The following ZNF420 variants were observed in gnomAD, a reference collection of about 807,000 sequenced individuals.
The protein encoded by ZNF420 is ATM and p53-associated KZNF protein.
In ZNF420, 31 loss-of-function variants were observed where a neutral mutation model predicts 44.7. The ratio of observed to expected loss-of-function variants is 0.69; its 90% CI spans 0.52 to 0.94. The LOEUF (loss-of-function observed/expected upper bound fraction) is 0.94. Ranked by LOEUF, ZNF420 falls within the 40% of genes least tolerant of loss-of-function variation. The pLI, the probability that ZNF420 is intolerant of heterozygous loss-of-function variation, is 0.00. For synonymous variants in ZNF420, 245 were observed against 267.4 expected (o/e 0.92, Z 0.82); for missense variants, 681 against 827.9 (o/e 0.82, Z 2.18).
intron 4 of ZNF420, among the ~76,000 whole-genome samples, chr19:37,108,561 T>C (rs1970220112): frequency 6.6e-6 from 1 of 152,200 alleles, no homozygotes; most frequent in Admixed American, 6.5e-5. Context: ...TAAAATGGCT[T>C]ATGATCTCCT....
At chr19:37,087,208 C>A (rs1968838280) in intron 2 of ZNF420, among the ~76,000 whole-genome samples, 1 of 150,882 alleles carries the variant, frequency 6.6e-6, no homozygotes, top group African/African-American at 2.4e-5. Flanking sequence ...TTACTTGAGC[C>A]TAGGAGTTCA....
intron 2 of ZNF420, among the ~76,000 whole-genome samples, chr19:37,081,056 CAAAA>C (rs35087056): frequency 2.5e-5 from 2 of 79,306 alleles, no homozygotes. Context: ...GACTCTGTCT[CAAAA>C]AAAAAAAAAA....
intron 1 of ZNF420, among the ~76,000 whole-genome samples, chr19:37,023,030 T>C (rs2074661079): frequency 6.6e-6 from 1 of 151,904 alleles, no homozygotes; most frequent in South Asian, 2.1e-4. Flanking sequence ...CTCAGCTACC[T>C]AGGAGACTAA....
intron 1 of ZNF420, among the ~76,000 whole-genome samples, chr19:37,043,131 C>T (rs932462091): frequency 3.3e-5 from 5 of 152,184 alleles, no homozygotes; most frequent in Middle Eastern, 3.4e-3. Context: ...TAATAGTAAT[C>T]GAAAAGTTTG....
At chr19:37,038,489 A>T (rs1783598394) in intron 1 of ZNF420, among the ~76,000 whole-genome samples, 1 of 152,226 alleles carries the variant, frequency 6.6e-6, no homozygotes, top group Admixed American at 6.5e-5. Context: ...TTTTTATCAG[A>T]ATTGGAATCA....
chr19:37,042,277 G>A (rs1360454964), intron 1 of ZNF420, among the ~76,000 whole-genome samples: 1 of 152,344 alleles, frequency 6.6e-6, no homozygotes, highest in African/African-American at 2.4e-5. Flanking sequence ...GATTACAGGC[G>A]TGAGCCACTG....
intron 1 of ZNF420, among the ~76,000 whole-genome samples, chr19:37,056,643 G>A (rs1268785842): frequency 6.6e-6 from 1 of 152,170 alleles, no homozygotes; most frequent in Non-Finnish European, 1.5e-5. Flanking sequence ...GAGGCCCATG[G>A]GATCTTTCTG....
At position 37,117,235 on chromosome 19, in the gene ZNF420, G is replaced by A. The variant is rs549554207; in HGVS notation, c.137-9893G>A. ...GGGCAGACTGACACCTCACATGGCC[G>A]GGTACTCCTCTGAGACAAAACTTCC... On this transcript the variant is annotated intron_variant, in intron 4 of 4. Coordinates refer to ENST00000337995, the MANE Select transcript of ZNF420 (RefSeq NM_144689.5). Among the ~76,000 whole-genome samples, 1,314 of 152,232 alleles carry A rather than the reference G, an allele frequency of 8.6e-3. 9 individuals carry two copies. The highest frequency in any genetic ancestry group is 0.015 in the Non-Finnish European group (1,016 of 68,014).
chr19:37,034,540 GT>G (rs1164781955), intron 1 of ZNF420, among the ~76,000 whole-genome samples: 2 of 152,136 alleles, frequency 1.3e-5, no homozygotes, highest in African/African-American at 4.8e-5. Flanking sequence ...CACTTTTGGT[GT>G]CAGACAGCTT....
intron 1 of ZNF420, among the ~76,000 whole-genome samples, chr19:37,014,015 A>G (rs2074591361): frequency 6.6e-6 from 1 of 152,204 alleles, no homozygotes; most frequent in Non-Finnish European, 1.5e-5. Context: ...AAAGCCAAGG[A>G]AAAGCAAATC....
chr19:37,010,152 A>C (rs575182534), intron 1 of ZNF420, among the ~76,000 whole-genome samples: 4 of 152,182 alleles, frequency 2.6e-5, no homozygotes, highest in Non-Finnish European at 5.9e-5. Flanking sequence ...GGCTTGGCAA[A>C]GCAGGAGCCC....
chr19:37,064,887 T>C (rs1239796395), intron 1 of ZNF420, among the ~76,000 whole-genome samples: 4 of 151,926 alleles, frequency 2.6e-5, no homozygotes, highest in Non-Finnish European at 5.9e-5. Context: ...AGTCAAAGGA[T>C]TGAGAAAAAG....
At position 37,072,048 on chromosome 19, in the gene ZNF420, A is replaced by T. The variant is rs1472402789; in HGVS notation, c.-124-8297A>T. On this transcript the variant is annotated intron_variant, in intron 1 of 4. Transcript: ENST00000587029. ...TGGAGCCTCTAAGGCAAATACTCGAATAACATTGTAAAATATGATTTCTGT... is the reference window on the plus strand; with the variant it reads ...TGGAGCCTCTAAGGCAAATACTCGATTAACATTGTAAAATATGATTTCTGT... Among the ~76,000 whole-genome samples the T allele has an allele frequency of 5.9e-5, 9 of 152,194 alleles. No individual in the cohort carries two copies. The East Asian group carries it at 1.5e-3, about 26-fold the overall frequency.
intron 1 of ZNF420, among the ~76,000 whole-genome samples, chr19:37,024,166 C>T (rs1017567573): frequency 2.0e-5 from 3 of 152,106 alleles, no homozygotes; most frequent in East Asian, 1.9e-4. Flanking sequence ...CTCTTTCCAC[C>T]GAATGCCCAT....
chr19:37,109,133 A>G (rs1970251792), intron 4 of ZNF420, among the ~76,000 whole-genome samples: 1 of 150,200 alleles, frequency 6.7e-6, no homozygotes, highest in Non-Finnish European at 1.5e-5. Flanking sequence ...GATTGTAGGC[A>G]TTAAACATCC....
intron 1 of ZNF420, among the ~76,000 whole-genome samples, chr19:37,034,687 C>T (rs1967322389): frequency 6.6e-6 from 1 of 152,134 alleles, no homozygotes; most frequent in African/African-American, 2.4e-5. Flanking sequence ...GCAAAATTGG[C>T]ATGGAGAACT....
intron 1 of ZNF420, among the ~76,000 whole-genome samples, chr19:37,030,286 C>T (rs1230487713): frequency 6.6e-6 from 1 of 152,094 alleles, no homozygotes; most frequent in Non-Finnish European, 1.5e-5. Context: ...CTCAGCCTCC[C>T]GAGTAGCTGT....
intron 1 of ZNF420, among the ~76,000 whole-genome samples, chr19:37,019,775 A>AC (rs921554228): frequency 4.6e-5 from 7 of 151,908 alleles, no homozygotes; most frequent in African/African-American, 1.7e-4. Flanking sequence ...GTCACAAAAA[A>AC]AAAAAAATTA....
chr19:37,090,315 C>T (rs1004407695), intron 3 of ZNF420, among the ~76,000 whole-genome samples: 2 of 151,834 alleles, frequency 1.3e-5, no homozygotes, highest in African/African-American at 2.4e-5. Flanking sequence ...GGCAACATAA[C>T]AAGACCCCTG....
Sources: gnomAD v4.1 joint callset for allele counts (sites outside exome capture counted in the v4.1 genomes callset) on GRCh38, gnomAD v4.1.1 for gene constraint, MANE v1.5 for transcripts, NCBI Gene and HGNC (gene_info 2026-07-23, HGNC 2026-07-21) for gene names.